The following EYS variants were observed in gnomAD, a reference collection of about 807,000 sequenced individuals.
The protein encoded by EYS is EGF-like photoreceptor maintenance factor.
Under a neutral mutation model 282.1 loss-of-function variants are expected in EYS, and 250 were observed. That is an observed-to-expected ratio of 0.89 (90% CI 0.80 to 0.98). EYS has a LOEUF of 0.98. EYS is among the 50% of genes least tolerant of loss of function. EYS has a pLI of 0.00. For missense variants in EYS, 4,016 were observed against 3,709.0 expected, an observed-to-expected ratio of 1.08 and a Z score of -2.15; for synonymous variants, 1,355 against 1,282.9, an observed-to-expected ratio of 1.06 and a Z score of -1.20.
chr6:65,066,393 C>A (rs934539570), intron 12 of EYS, among the ~76,000 whole-genome samples: 1 of 152,154 alleles, frequency 6.6e-6, no homozygotes, highest in African/African-American at 2.4e-5. Flanking sequence ...TATACACTTG[C>A]AGATTTCCTA....
intron 35 of EYS, among the ~76,000 whole-genome samples, chr6:63,955,671 A>G (rs1288061356): frequency 6.6e-6 from 1 of 152,322 alleles, no homozygotes; most frequent in Middle Eastern, 3.4e-3. Context: ...TGTTTAAATG[A>G]AGAGTTTTGT....
intron 12 of EYS, among the ~76,000 whole-genome samples, chr6:65,130,366 C>T (rs367729357): frequency 6.6e-6 from 1 of 151,842 alleles, no homozygotes; most frequent in East Asian, 1.9e-4. Context: ...TATTAGCTTG[C>T]CCTTCCCATA....
chr6:65,132,485 T>C (rs1581939151), intron 12 of EYS, among the ~76,000 whole-genome samples: 1 of 151,890 alleles, frequency 6.6e-6, no homozygotes, highest in East Asian at 1.9e-4. Flanking sequence ...AATAGATGCA[T>C]AAAAGGCTTT....
chr6:64,686,391 G>A (rs1174103504), intron 22 of EYS, among the ~76,000 whole-genome samples: 2 of 151,554 alleles, frequency 1.3e-5, no homozygotes, highest in African/African-American at 4.8e-5. Context: ...AAGTAAAAAG[G>A]AAATAAAACA....
rs149230401 is a variant in EYS, at chr6:63,914,412, G to T, written c.7056-50054C>A. On this transcript the variant is annotated intron_variant, in intron 35 of 42. Transcript: ENST00000503581. ...TAAAAAATCCATTGTTCACACAAAT[G>T]ATAAGGCAAAACAAGGCCGGGTGCA... Among the ~76,000 whole-genome samples, 154 of 152,256 alleles carry T rather than the reference G, an allele frequency of 1.0e-3. 3 individuals are homozygous for T. The highest frequency in any genetic ancestry group is 3.6e-3 in the African/African-American group (149 of 41,558).
rs2149802318 is a variant in EYS, at chr6:63,999,140, C to A, written c.6769G>T (p.Glu2257Ter). The change falls in exon 34 of 43, where the codon GAA becomes TAA. Residue 2257 changes from glutamate to a stop codon, truncating the protein, a stop_gained. Coordinates refer to ENST00000503581, the MANE Select transcript of EYS (RefSeq NM_001142800.2). LOFTEE classifies it high-confidence loss of function. ...GGAGGTTTTCCATCTGCAGTCATTT[C>A]AATCATACAAACAACTCCAGGGCTG... ...VGSPGVVCMI[E>*]MTADGKPPVQ... The A allele has an allele frequency of 1.3e-6, 2 of 1,551,432 alleles. No individual in the cohort carries two copies. Among genetic ancestry groups the A allele is most frequent in the Non-Finnish European group, 8.7e-7 (1 of 1,146,794 alleles).
chr6:65,589,124 C>T (rs1255429613), intron 2 of EYS, among the ~76,000 whole-genome samples: 1 of 151,974 alleles, frequency 6.6e-6, no homozygotes, highest in Non-Finnish European at 1.5e-5. Flanking sequence ...GTTCCTCATG[C>T]CCTGTGACTT....
At chr6:65,054,145 A>T (rs1773349804) in intron 13 of EYS, among the ~76,000 whole-genome samples, 1 of 152,008 alleles carries the variant, frequency 6.6e-6, no homozygotes, top group African/African-American at 2.4e-5. Flanking sequence ...GAGGTATTCA[A>T]GGAAAGTCTT....
rs879057024 is a variant in EYS, at chr6:63,984,454, T to A, written c.6984A>T (p.Gly2328=). The A allele has an allele frequency of 1.3e-6, 2 of 1,549,820 alleles. No homozygotes were observed. The highest frequency in any genetic ancestry group is 1.2e-5 in the South Asian group (1 of 84,050). ...EFFIIDEARH[G]KNIENCHVPW... ...GGACGTGGCAGTTCTCAATATTCTT[T>A]CCATGTCGTGCTTCATCGATGATGA... Residue 2328 remains glycine (G), a synonymous_variant, in exon 35 of 43, where the codon GGA becomes GGT. Coordinates refer to ENST00000503581, the MANE Select transcript of EYS (RefSeq NM_001142800.2).
chr6:65,012,001 C>A (rs940485209), intron 13 of EYS, among the ~76,000 whole-genome samples: 4 of 152,278 alleles, frequency 2.6e-5, no homozygotes, highest in African/African-American at 9.6e-5. Flanking sequence ...CAATTTGATG[C>A]TCCCTATATT....
At chr6:64,459,053 G>A (rs1233090009) in intron 26 of EYS, among the ~76,000 whole-genome samples, 1 of 152,122 alleles carries the variant, frequency 6.6e-6, no homozygotes, top group Non-Finnish European at 1.5e-5. Context: ...TATAAACACT[G>A]CTCCACTTAC....
chr6:65,343,055 T>C (rs1360022875), intron 10 of EYS, among the ~76,000 whole-genome samples: 1 of 151,306 alleles, frequency 6.6e-6, no homozygotes, highest in Non-Finnish European at 1.5e-5. Context: ...TATATATATA[T>C]GTAAGAACGT....
intron 31 of EYS, among the ~76,000 whole-genome samples, chr6:64,117,328 A>AC (rs35744765): frequency 0.082 from 11,536 of 140,814 alleles, 478 homozygotes; most frequent in Middle Eastern, 0.1. Flanking sequence ...GAGAGGAACA[A>AC]CCCCCCCCCC....
In EYS at chr6:65,366,482, T is replaced by G. The variant is rs937711260; in HGVS notation, c.1300-12865A>C. Among the ~76,000 whole-genome samples the G allele has an allele frequency of 1.3e-5, 2 of 151,894 alleles. 1 individual carries two copies. Among genetic ancestry groups the G allele is most frequent in the Admixed American group, 1.3e-4 (2 of 14,988 alleles). On this transcript the variant is annotated intron_variant, in intron 8 of 42. Coordinates refer to ENST00000503581, the MANE Select transcript of EYS (RefSeq NM_001142800.2). ...CTGCTAAGAATAAATCTTGATTGAC[T>G]TCTTTTGTGTATTTTATATACATTT... is the stretch of plus-strand genomic sequence containing the variant.
At chr6:63,827,650 C>G (rs1259199776) in intron 36 of EYS, among the ~76,000 whole-genome samples, 1 of 152,018 alleles carries the variant, frequency 6.6e-6, no homozygotes, top group Non-Finnish European at 1.5e-5. Context: ...CTAGACCATC[C>G]TGGCTAACAA....
chr6:64,964,051 T>TA, intron 14 of EYS, among the ~76,000 whole-genome samples: 1 of 152,142 alleles, frequency 6.6e-6, no homozygotes, highest in East Asian at 1.9e-4. Context: ...TATAAAACCT[T>TA]ACATCTATAA....
intron 5 of EYS, among the ~76,000 whole-genome samples, chr6:65,437,860 CT>C (rs909486331): frequency 2.0e-5 from 2 of 102,042 alleles, no homozygotes; most frequent in South Asian, 3.0e-4. Context: ...TTCAGTTTTT[CT>C]TTTTTTCAAT....
chr6:65,110,666 T>A (rs1253060632), intron 12 of EYS, among the ~76,000 whole-genome samples: 3 of 152,094 alleles, frequency 2.0e-5, no homozygotes, highest in African/African-American at 7.2e-5. Context: ...CATATTAAAG[T>A]ACATATTTTA....
In EYS at chr6:65,459,528, G is replaced by A. The variant is rs536110614; in HGVS notation, c.862+31066C>T. 5.6e-4 allele frequency among the ~76,000 whole-genome samples: 85 copies of A among 152,004 alleles called. 1 individual carries two copies. Among genetic ancestry groups the A allele is most frequent in the Middle Eastern group, 3.4e-3 (1 of 294 alleles). ...AATAAGAATGTACATATAATGAAGA[G>A]TATATGATATTTTAAATCTGACAAT... On this transcript the variant is annotated intron_variant, in intron 5 of 42. Transcript: ENST00000503581.
Sources: allele counts gnomAD v4.1 joint callset (sites outside exome capture counted in the v4.1 genomes callset), GRCh38; gene constraint gnomAD v4.1.1; transcripts MANE v1.5; gene names NCBI Gene and HGNC (gene_info 2026-07-23, HGNC 2026-07-21).